The following ARID4A variants were observed in gnomAD, a reference collection of about 807,000 sequenced individuals.
The protein encoded by ARID4A is AT-rich interactive domain-containing protein 4A.
In ARID4A, 39 loss-of-function variants were observed where a neutral mutation model predicts 148.6. The observed-to-expected ratio is 0.26, with a 90% CI of 0.20 to 0.34. The LOEUF is 0.34. Among genes scored for constraint, ARID4A ranks in the 10% least tolerant of loss-of-function variants. The probability of loss-of-function intolerance (pLI) is 1.00; values close to 1 mark genes in which losing one functional copy is unlikely to be tolerated. For missense variants in ARID4A, 1,265 were observed against 1,449.1 expected, an observed-to-expected ratio of 0.87 and a Z score of 2.06; for synonymous variants, 475 against 481.2, an observed-to-expected ratio of 0.99 and a Z score of 0.17.
rs1172797927 is a variant in ARID4A, at chr14:58,344,624, A to G, written c.907-71A>G. ...AATTTGATGACTTTACATTGGGTTCACAAAAATAAAAGAAGACATGTATCT... is the reference window on the plus strand; with the variant it reads ...AATTTGATGACTTTACATTGGGTTCGCAAAAATAAAAGAAGACATGTATCT... On this transcript the variant is annotated intron_variant, in intron 11 of 23. Coordinates refer to ENST00000355431, the MANE Select transcript of ARID4A (RefSeq NM_002892.4). 7.9e-6 allele frequency: 9 copies of G among 1,145,164 alleles called. No homozygotes were observed. The African/African-American group carries it at 1.3e-4, about 16-fold the overall frequency. 70.9% of individuals were successfully genotyped at this position (1,145,164 alleles called of 1,614,324 possible).
At chr14:58,319,279 G>A (rs1028289666) in intron 7 of ARID4A, among the ~76,000 whole-genome samples, 2 of 151,144 alleles carry the variant, frequency 1.3e-5, no homozygotes, top group Non-Finnish European at 2.9e-5. Context: ...ATATTGGCCA[G>A]GCTGGTCTCG....
intron 17 of ARID4A, among the ~76,000 whole-genome samples, chr14:58,358,499 T>C (rs1469848675): frequency 6.6e-6 from 1 of 152,120 alleles, no homozygotes; most frequent in Non-Finnish European, 1.5e-5. Flanking sequence ...AAATAAATTT[T>C]AAAATAAATT....
intron 7 of ARID4A, among the ~76,000 whole-genome samples, chr14:58,319,934 A>G (rs1034806328): frequency 2.7e-5 from 4 of 147,296 alleles, no homozygotes; most frequent in Admixed American, 2.0e-4. Context: ...TATATATACT[A>G]ATTTTTTTCT....
intron 19 of ARID4A, among the ~76,000 whole-genome samples, chr14:58,361,663 AAC>A (rs959096036): frequency 3.3e-5 from 5 of 152,234 alleles, no homozygotes; most frequent in African/African-American, 7.2e-5. Flanking sequence ...AGCAAAAACA[AAC>A]AGCAGGCTTT....
rs150290034 is a variant in ARID4A, at chr14:58,308,207, GA to G, written c.274+2097del. On this transcript the variant is annotated intron_variant, in intron 5 of 23. Coordinates refer to ENST00000355431, the MANE Select transcript of ARID4A (RefSeq NM_002892.4). ...TGATTTTCTGTGTTGGATAATTACA[GA>G]AGAAATTGTATAATTCTTGTTCTCA... 8.9e-3 allele frequency among the ~76,000 whole-genome samples: 1,358 copies of G among 152,302 alleles called. 23 individuals are homozygous for G. The highest frequency in any genetic ancestry group is 0.031 in the African/African-American group (1,270 of 41,562).
intron 11 of ARID4A, among the ~76,000 whole-genome samples, chr14:58,338,224 G>T (rs990743141): frequency 3.0e-4 from 45 of 152,108 alleles, no homozygotes; most frequent in Non-Finnish European, 5.6e-4. Flanking sequence ...GGCTCTACTT[G>T]AATTAAAGTG....
In ARID4A at chr14:58,343,989, T is replaced by C. The variant is rs556052616; in HGVS notation, c.907-706T>C. On this transcript the variant is annotated intron_variant, in intron 11 of 23. Transcript: ENST00000355431. ...TTAAAAGAAGCTAAATCAGTAATTA[T>C]GTATCTAGTTTCCTTCCCTAAGAAT... Among the ~76,000 whole-genome samples, 6 of 152,334 alleles carry C rather than the reference T, an allele frequency of 3.9e-5. 1 individual carries two copies. Among genetic ancestry groups the C allele is most frequent in the African/African-American group, 1.4e-4 (6 of 41,588 alleles).
intron 8 of ARID4A, among the ~76,000 whole-genome samples, chr14:58,326,188 A>G (rs2033199130): frequency 6.6e-6 from 1 of 152,248 alleles, no homozygotes. Flanking sequence ...CTGTAATCCC[A>G]GCACTTTGGG....
At chr14:58,356,974 C>G (rs2140253419) in intron 17 of ARID4A, among the ~76,000 whole-genome samples, 1 of 152,288 alleles carries the variant, frequency 6.6e-6, no homozygotes, top group African/African-American at 2.4e-5. Context: ...GTTGGGATTA[C>G]AGGCGTGAGC....
Position 58,347,739 on chromosome 14 carries a change from AAGACTT to A in ARID4A, c.1269_1274del (p.Asp423_Leu424del). 5.0e-6 allele frequency: 8 copies of A among 1,613,950 alleles called. No individual in the cohort carries two copies. Among genetic ancestry groups the A allele is most frequent in the Non-Finnish European group, 6.8e-6 (8 of 1,179,870 alleles). ...GAACCAAAAGTAAAAGAGGAAAAAA[AAGACTT>A]AGAAGAATCAATGGAAGAGGCTCTC... On this transcript the variant is annotated inframe_deletion, in exon 15 of 24. Coordinates refer to ENST00000355431, the MANE Select transcript of ARID4A (RefSeq NM_002892.4).
chr14:58,346,780 T>G (rs2034384304), intron 13 of ARID4A, among the ~76,000 whole-genome samples: 1 of 150,488 alleles, frequency 6.6e-6, no homozygotes, highest in South Asian at 2.1e-4. Context: ...ATACAAAAAT[T>G]AGCCAGGCAT....
intron 10 of ARID4A, among the ~76,000 whole-genome samples, 189 bp downstream of exon 10, chr14:58,329,793 G>A (rs951736947): frequency 4.6e-5 from 7 of 151,664 alleles, no homozygotes; most frequent in African/African-American, 7.3e-5. Flanking sequence ...TTAACTTTTC[G>A]TATTTTACCA....
chr14:58,313,189 T>TA (rs1348824907), intron 5 of ARID4A, among the ~76,000 whole-genome samples: 1 of 152,194 alleles, frequency 6.6e-6, no homozygotes, highest in Non-Finnish European at 1.5e-5. Flanking sequence ...TATAGATAGA[T>TA]GATAGATAGA....
chr14:58,310,901 A>G (rs768161097), intron 5 of ARID4A, among the ~76,000 whole-genome samples: 1 of 151,964 alleles, frequency 6.6e-6, no homozygotes, highest in African/African-American at 2.4e-5. Flanking sequence ...CATATCCAGA[A>G]TTTATAAGGA....
Position 58,301,569 on chromosome 14 carries a change from C to A in ARID4A, c.7-11C>A, listed in dbSNP as rs552183972. 1 of 1,604,566 alleles carries A rather than the reference C, an allele frequency of 6.2e-7. No individual in the cohort carries two copies. Among genetic ancestry groups the A allele is most frequent in the Admixed American group, 1.7e-5 (1 of 59,848 alleles). On this transcript the variant is annotated splice_polypyrimidine_tract_variant and intron_variant, in intron 2 of 23. Transcript: ENST00000355431. ...GTAATGACATTCACAGTTTTATGTT[C>A]CTTTCACCAGGCGGCAGATGAGCCT...
intron 10 of ARID4A, 120 bp from the exon 11 acceptor site, chr14:58,329,883 A>G: frequency 6.9e-7 from 1 of 1,448,192 alleles, no homozygotes; most frequent in Non-Finnish European, 9.3e-7. Context: ...AGCTTACTGT[A>G]TCATTTTATA....
intron 18 of ARID4A, among the ~76,000 whole-genome samples, chr14:58,360,138 C>CT (rs1289447412): frequency 6.6e-6 from 1 of 151,854 alleles, no homozygotes; most frequent in Non-Finnish European, 1.5e-5. Context: ...GAGCTTAAAA[C>CT]TAACACATTA....
chr14:58,325,644 G>A (rs1364777646), intron 8 of ARID4A, among the ~76,000 whole-genome samples: 1 of 152,076 alleles, frequency 6.6e-6, no homozygotes, highest in African/African-American at 2.4e-5. Flanking sequence ...AATAATAATT[G>A]TGGCACAAAA....
chr14:58,326,097 A>C (rs1277454301), intron 8 of ARID4A, among the ~76,000 whole-genome samples: 1 of 152,194 alleles, frequency 6.6e-6, no homozygotes, highest in Non-Finnish European at 1.5e-5. Flanking sequence ...GGTGCTTTTG[A>C]GGTGAGCTTT....
Sources: allele counts gnomAD v4.1 joint callset (sites outside exome capture counted in the v4.1 genomes callset), GRCh38; gene constraint gnomAD v4.1.1; transcripts MANE v1.5; gene names NCBI Gene and HGNC (gene_info 2026-07-23, HGNC 2026-07-21).